Variants in MAP3K5 observed in about 807,000 individuals in gnomAD.
MAP3K5 encodes the protein mitogen-activated protein kinase kinase kinase 5.
A neutral mutation model predicts 158.7 loss-of-function variants in MAP3K5; 56 were observed. The ratio of observed to expected loss-of-function variants is 0.35; its 90% CI spans 0.28 to 0.44. The LOEUF (loss-of-function observed/expected upper bound fraction) is 0.44, where lower values mean the gene tolerates loss of function less well. Ranked by LOEUF, MAP3K5 falls within the 20% of genes least tolerant of loss-of-function variation. MAP3K5 has a pLI of 1.00. For missense variants in MAP3K5, 1,294 were observed against 1,674.8 expected, an observed-to-expected ratio of 0.77 and a Z score of 3.97; for synonymous variants, 579 against 601.7, an observed-to-expected ratio of 0.96 and a Z score of 0.55.
At chr6:136,622,060 T>G (rs1166421242) in intron 15 of MAP3K5, among the ~76,000 whole-genome samples, 1 of 145,560 alleles carries the variant, frequency 6.9e-6, no homozygotes, top group African/African-American at 2.6e-5. Context: ...AACTCCAGCC[T>G]GGGTGACAGA....
rs181200824 is a variant in MAP3K5, at chr6:136,652,796, G to C, written c.1681-1705C>G. Among the ~76,000 whole-genome samples, 81 of 152,274 alleles carry C rather than the reference G, an allele frequency of 5.3e-4. 2 individuals carry two copies. The East Asian group carries it at 6.6e-3, about 12-fold the overall frequency. On this transcript the variant is annotated intron_variant, in intron 10 of 29. Transcript: ENST00000359015. The stretch of plus-strand genomic sequence containing the variant: ...AACTTGAGACAGGAAATAAAAACAA[G>C]GTTGTAACTATCACTGTCTAATATT...
chr6:136,655,251 T>C (rs961244276), intron 10 of MAP3K5, among the ~76,000 whole-genome samples: 3 of 152,232 alleles, frequency 2.0e-5, no homozygotes, highest in Non-Finnish European at 4.4e-5. Context: ...TTTCACTACA[T>C]TTACTGCTAC....
rs117051534 is a variant in MAP3K5, at chr6:136,580,755, A to G, written c.3412-349T>C. Among the ~76,000 whole-genome samples, 41 of 152,262 alleles carry G rather than the reference A, an allele frequency of 2.7e-4. No individual in the cohort carries two copies. The East Asian group carries it at 7.7e-3, about 29-fold the overall frequency. On this transcript the variant is annotated intron_variant, in intron 24 of 29. Coordinates refer to ENST00000359015, the MANE Select transcript of MAP3K5 (RefSeq NM_005923.4). ...GAAGACAGGGTCTAAGAGACTTTAAATAAAAATAAAGGCTGTTCTTACTGT... is the reference window on the plus strand; with the variant it reads ...GAAGACAGGGTCTAAGAGACTTTAAGTAAAAATAAAGGCTGTTCTTACTGT...
At chr6:136,737,035 G>GCATATATATA (rs1554308004) in intron 1 of MAP3K5, among the ~76,000 whole-genome samples, 1 of 118,720 alleles carries the variant, frequency 8.4e-6, no homozygotes, top group East Asian at 2.1e-4. Context: ...ATATATGTGT[G>GCATATATATA]TGTATATATA....
chr6:136,567,698 G>A lies in MAP3K5; in HGVS notation c.3694C>T (p.His1232Tyr). The change falls in exon 26 of 30, where the codon CAT becomes TAT. Residue 1232 changes from histidine to tyrosine, a missense_variant. His to Tyr is a moderately conservative substitution (Grantham distance 83). Around this residue, in one of 5 missense-constraint regions of MAP3K5, gnomAD observed 199 missense variants for 220.3 expected, o/e 0.90. Transcript: ENST00000359015. ...GACCGGTGAGCACTCTGGGAATCATGAGACACAGTAGAACTGAGCGTGCTC... is the reference window on the plus strand; with the variant it reads ...GACCGGTGAGCACTCTGGGAATCATAAGACACAGTAGAACTGAGCGTGCTC... ...GVSTLSSTVS[H>Y]DSQSAHRSLN... 4.3e-6 allele frequency: 7 copies of A among 1,614,150 alleles called. No individual in the cohort carries two copies. The highest frequency in any genetic ancestry group is 5.9e-6 in the Non-Finnish European group (7 of 1,180,020).
intron 19 of MAP3K5, 91 bp downstream of exon 19, chr6:136,605,118 T>G: frequency 7.5e-7 from 1 of 1,337,292 alleles, no homozygotes; most frequent in South Asian, 1.4e-5. Flanking sequence ...CTTAGCACCC[T>G]TTATCTAAAA....
chr6:136,570,550 T>C (rs1774316071), intron 25 of MAP3K5, among the ~76,000 whole-genome samples: 1 of 152,188 alleles, frequency 6.6e-6, no homozygotes, highest in Admixed American at 6.5e-5. Context: ...AGAGAACTCA[T>C]CATCTTTTGA....
At chr6:136,787,576 C>G (rs2115064585) in intron 1 of MAP3K5, among the ~76,000 whole-genome samples, 1 of 152,318 alleles carries the variant, frequency 6.6e-6, no homozygotes, top group Non-Finnish European at 1.5e-5. Flanking sequence ...AAAGCCAAAC[C>G]TTGAAAATGC....
rs55666429 is a variant in MAP3K5 at position 136,791,999 on chromosome 6, G to A, written c.159C>T (p.Ser53=). 926,446 of 1,597,088 alleles carry A rather than the reference G, an allele frequency of 0.58. 269,238 individuals are homozygous for A. Among genetic ancestry groups the A allele is most frequent in the Admixed American group, 0.63 (36,517 of 57,728 alleles). Residue 53 remains serine (S), a synonymous_variant, in exon 1 of 30, where the codon AGC becomes AGT. Coordinates refer to ENST00000359015, the MANE Select transcript of MAP3K5 (RefSeq NM_005923.4). ...CAGCGGCGCTCTCCACGTTCCAGAA[G>A]CTGCCCGGCGGCGGCGGTGGCAGCT... The part of the protein sequence containing the change: ...EHQLPPPPPG[S]FWNVESAAAP...
At chr6:136,728,676 T>C (rs1782078993) in intron 1 of MAP3K5, among the ~76,000 whole-genome samples, 2 of 152,242 alleles carry the variant, frequency 1.3e-5, no homozygotes, top group Admixed American at 1.3e-4. Flanking sequence ...AATAAATGTA[T>C]GCATGGTGAT....
chr6:136,587,014 C>T (rs1364522032), intron 23 of MAP3K5, among the ~76,000 whole-genome samples: 1 of 152,082 alleles, frequency 6.6e-6, no homozygotes. Context: ...TAATAAACTC[C>T]CCTTTACATA....
chr6:136,710,527 C>T (rs143901804), intron 2 of MAP3K5, among the ~76,000 whole-genome samples: 1 of 152,144 alleles, frequency 6.6e-6, no homozygotes, highest in Non-Finnish European at 1.5e-5. Flanking sequence ...CATTTGAAGG[C>T]AAAGACTAAC....
At chr6:136,697,440 G>A in intron 4 of MAP3K5, 53 bp from the exon 5 acceptor site, 1 of 1,420,000 alleles carries the variant, frequency 7.0e-7, no homozygotes, top group Non-Finnish European at 9.7e-7. Flanking sequence ...CAATTTCAAT[G>A]AAAAGCAATA....
intron 15 of MAP3K5, among the ~76,000 whole-genome samples, chr6:136,619,092 G>A (rs191248898): frequency 1.3e-5 from 2 of 152,294 alleles, no homozygotes; most frequent in African/African-American, 2.4e-5. Flanking sequence ...TGAAAGTCAC[G>A]CACTAAGGAT....
intron 1 of MAP3K5, among the ~76,000 whole-genome samples, chr6:136,766,087 T>A (rs1562687876): frequency 6.6e-6 from 1 of 152,146 alleles, no homozygotes; most frequent in African/African-American, 2.4e-5. Context: ...TCATGAGGTG[T>A]GCAAGAATCT....
At chr6:136,720,266 C>T (rs1417866612) in intron 2 of MAP3K5, among the ~76,000 whole-genome samples, 184 bp downstream of exon 2, 1 of 152,148 alleles carries the variant, frequency 6.6e-6, no homozygotes, top group East Asian at 1.9e-4. Context: ...TTTTCCTACT[C>T]GTGTCATCAA....
At chr6:136,735,856 A>G (rs1469671249) in intron 1 of MAP3K5, among the ~76,000 whole-genome samples, 1 of 152,100 alleles carries the variant, frequency 6.6e-6, no homozygotes, top group African/African-American at 2.4e-5. Context: ...AAAGCATGAT[A>G]ATTTCATCCT....
Position 136,702,703 on chromosome 6 carries a change from T to C in MAP3K5, c.612+2407A>G, listed in dbSNP as rs149864001. On this transcript the variant is annotated intron_variant, in intron 3 of 29. Coordinates refer to ENST00000359015, the MANE Select transcript of MAP3K5 (RefSeq NM_005923.4). ...CTTGTTCTAATTCATTTTGTTGTTG[T>C]TGTTGTTTTTAAGACAGAATCTTAC... 7.2e-4 allele frequency among the ~76,000 whole-genome samples: 109 copies of C among 152,284 alleles called. No individual in the cohort carries two copies. In the East Asian group the frequency reaches 0.021, roughly 29 times the overall value.
At chr6:136,689,024 G>C (rs928550128) in intron 7 of MAP3K5, among the ~76,000 whole-genome samples, 10 of 151,954 alleles carry the variant, frequency 6.6e-5, no homozygotes, top group African/African-American at 2.4e-4. Context: ...TTAAGGCCAA[G>C]TACAGTGGCT....
Sources: gnomAD v4.1 joint callset for allele counts (sites outside exome capture counted in the v4.1 genomes callset) on GRCh38, gnomAD v4.1.1 for gene constraint, gnomAD v4.1.1 regional missense constraint, MANE v1.5 for transcripts, NCBI Gene and HGNC (gene_info 2026-07-23, HGNC 2026-07-21) for gene names.